PDZD2: variants seen among roughly 807,000 people sequenced by gnomAD.
The protein encoded by PDZD2 is PDZ domain-containing protein 2.
In PDZD2, 90 loss-of-function variants were observed where a neutral mutation model predicts 220.7. The ratio of observed to expected loss-of-function variants is 0.41; its 90% CI spans 0.34 to 0.49. The LOEUF (loss-of-function observed/expected upper bound fraction) is 0.49. Ranked by LOEUF, PDZD2 falls within the 20% of genes least tolerant of loss-of-function variation. The pLI is 0.28. For synonymous variants in PDZD2, 1,375 were observed against 1,450.5 expected, an observed-to-expected ratio of 0.95 and a Z score of 1.18; for missense variants, 3,174 against 3,608.5, an observed-to-expected ratio of 0.88 and a Z score of 3.08.
intron 2 of PDZD2, among the ~76,000 whole-genome samples, chr5:31,954,730 C>A (rs543724548): frequency 1.3e-5 from 2 of 152,224 alleles, no homozygotes; most frequent in Non-Finnish European, 2.9e-5. Flanking sequence ...AGATCGAGAC[C>A]ATCCTGGCTA....
chr5:32,087,763 G>A lies in PDZD2; in HGVS notation c.4315G>A (p.Ala1439Thr). ...SFIKELDASAARSPSSQTGDS... is the reference protein window; with the variant it reads ...SFIKELDASATRSPSSQTGDS... ...CATCAAGGAGCTGGATGCTTCTGCA[G>A]CAAGGTCTCCGTCTTCCCAGACGGG... The change falls in exon 20 of 25, where the codon GCA becomes ACA. Residue 1439 changes from alanine (A) to threonine (T), a missense_variant. Coordinates refer to ENST00000438447, the MANE Select transcript of PDZD2 (RefSeq NM_178140.4). The surrounding 1 kb of genome is among the most constrained non-coding windows in gnomAD (Gnocchi z 4.0). The A allele has an allele frequency of 6.2e-7, 1 of 1,614,096 alleles. No homozygotes were observed.
At chr5:31,949,045 C>T (rs1366579592) in intron 2 of PDZD2, among the ~76,000 whole-genome samples, 1 of 137,122 alleles carries the variant, frequency 7.3e-6, no homozygotes, top group African/African-American at 2.8e-5. Context: ...TTGCACTGAG[C>T]TGAGATGGAG....
intron 6 of PDZD2, among the ~76,000 whole-genome samples, chr5:32,029,785 T>A (rs910240595): frequency 1.3e-5 from 2 of 152,210 alleles, no homozygotes; most frequent in African/African-American, 4.8e-5. Flanking sequence ...CTGTCTCTGT[T>A]TGCACGCCAT....
intron 2 of PDZD2, chr5:31,822,930 G>A (rs1477532208): frequency 8.4e-6 from 8 of 956,596 alleles, no homozygotes; most frequent in Admixed American, 1.8e-5. Context: ...TAGTCTGAAC[G>A]GTGGCCAGCT....
intron 1 of PDZD2, among the ~76,000 whole-genome samples, chr5:31,761,607 C>T (rs1038939418): frequency 5.3e-5 from 8 of 151,586 alleles, no homozygotes; most frequent in Admixed American, 3.3e-4. Context: ...ATGCCTATAA[C>T]CCCAGCACTT....
intron 2 of PDZD2, among the ~76,000 whole-genome samples, chr5:31,801,492 G>A (rs754964102): frequency 6.6e-6 from 1 of 152,134 alleles, no homozygotes; most frequent in Non-Finnish European, 1.5e-5. Context: ...TTTGAAAGTG[G>A]TCCCTAAGAG....
Position 31,639,270 on chromosome 5 carries a change from T to C in PDZD2, c.-528T>C, listed in dbSNP as rs1297940785. The stretch of plus-strand genomic sequence containing the variant: ...GCAGGCCGAACCCAAGGCACCGGGA[T>C]TGCGCCTCCCGCGGCTGCCGGCGAA... On this transcript the variant is annotated 5_prime_UTR_variant, in exon 1 of 25. Transcript: ENST00000438447. This position sits in a 1 kb window ranked among gnomAD's most constrained non-coding sequence, Gnocchi z 4.1. The C allele has an allele frequency of 6.6e-6, 1 of 150,548 alleles. No individual in the cohort carries two copies. The allele number at this position is 150,548 out of a possible 1,614,324, so 9.3% of individuals were successfully genotyped here. A position where few individuals can be genotyped will look rare whatever the true frequency, so the allele number is the denominator to read the frequency against.
At chr5:31,864,839 C>CTTTTT (rs70955752) in intron 2 of PDZD2, among the ~76,000 whole-genome samples, 3 of 70,950 alleles carry the variant, frequency 4.2e-5, no homozygotes, top group Non-Finnish European at 5.1e-5. Flanking sequence ...TGAGATTTGT[C>CTTTTT]TTTTTTTTTT....
chr5:31,669,703 A>G (rs1561374129), intron 1 of PDZD2, among the ~76,000 whole-genome samples: 1 of 152,226 alleles, frequency 6.6e-6, no homozygotes, highest in Non-Finnish European at 1.5e-5. Context: ...CATTTGTAAA[A>G]GAAGAGGCTT....
chr5:31,779,203 A>C (rs918740964), intron 1 of PDZD2, among the ~76,000 whole-genome samples: 1 of 151,810 alleles, frequency 6.6e-6, no homozygotes, highest in African/African-American at 2.4e-5. Flanking sequence ...CACACCCTCC[A>C]CACCAGCCCT....
chr5:31,685,741 C>G (rs1746829717), intron 1 of PDZD2, among the ~76,000 whole-genome samples: 1 of 152,128 alleles, frequency 6.6e-6, no homozygotes, highest in Non-Finnish European at 1.5e-5. Context: ...CAAGGCTGGT[C>G]TCAAACTCCT....
intron 2 of PDZD2, among the ~76,000 whole-genome samples, chr5:31,815,238 T>A (rs1755364326): frequency 1.1e-5 from 1 of 94,274 alleles, no homozygotes; most frequent in Non-Finnish European, 1.9e-5. Context: ...AGAGCAAAAC[T>A]CTGTCTCAAA....
chr5:31,889,441 G>T (rs923313637), intron 2 of PDZD2, among the ~76,000 whole-genome samples: 1 of 152,192 alleles, frequency 6.6e-6, no homozygotes, highest in African/African-American at 2.4e-5. Context: ...AGGCCTGTCA[G>T]GCCAACAGGA....
intron 5 of PDZD2, among the ~76,000 whole-genome samples, chr5:32,003,384 C>CTCCA (rs149402324): frequency 1.2e-5 from 1 of 81,256 alleles, no homozygotes. Context: ...CACACACACA[C>CTCCA]CCACACACAC....
At chr5:31,655,267 G>T (rs1695701260) in intron 1 of PDZD2, among the ~76,000 whole-genome samples, 1 of 152,076 alleles carries the variant, frequency 6.6e-6, no homozygotes, top group African/African-American at 2.4e-5. Flanking sequence ...CTGCCTCCCG[G>T]GTTCAAGCGA....
In PDZD2 at chr5:32,091,042, C is replaced by T. The variant is rs1416235379; in HGVS notation, c.7594C>T (p.Pro2532Ser). The stretch of plus-strand genomic sequence containing the variant: ...CCCTCCTGCTGGAGGCGTTTCGTGT[C>T]CCGAGAAGGGCGGGAACAGGGCCTG... ...PGPPAGGVSC[P>S]EKGGNRACPG... Residue 2532 changes from proline (P) to serine (S), a missense_variant, in exon 20 of 25, where the codon CCC becomes TCC. Transcript: ENST00000438447. 5.6e-6 allele frequency: 9 copies of T among 1,613,698 alleles called. No individual in the cohort carries two copies. The African/African-American group carries it at 6.7e-5, about 12-fold the overall frequency.
intron 1 of PDZD2, among the ~76,000 whole-genome samples, chr5:31,645,594 C>T (rs933627199): frequency 8.5e-5 from 13 of 152,244 alleles, no homozygotes; most frequent in Middle Eastern, 3.4e-3. Flanking sequence ...CTTGGCCTCC[C>T]GAGGTGCTGA....
At chr5:32,014,716 T>C (rs1310848924) in intron 6 of PDZD2, among the ~76,000 whole-genome samples, 7 of 71,878 alleles carry the variant, frequency 9.7e-5, no homozygotes, top group African/African-American at 3.9e-4. Flanking sequence ...CTTTTTTTTT[T>C]TTTTTTTTTT....
intron 2 of PDZD2, among the ~76,000 whole-genome samples, chr5:31,949,120 AAAAT>A (rs1746945187): frequency 6.7e-6 from 1 of 149,394 alleles, no homozygotes; most frequent in Non-Finnish European, 1.5e-5. Flanking sequence ...AAAAAAAAAA[AAAAT>A]AGTGTTCCTG....
Sources: allele counts gnomAD v4.1 joint callset (sites outside exome capture counted in the v4.1 genomes callset), GRCh38; gene constraint gnomAD v4.1.1; non-coding constraint Gnocchi (gnomAD v3.1); transcripts MANE v1.5; gene names NCBI Gene and HGNC (gene_info 2026-07-23, HGNC 2026-07-21).